The following LSAMP variants were observed in gnomAD, a reference collection of about 807,000 sequenced individuals.
LSAMP encodes limbic system associated membrane protein.
LSAMP carries 7 observed loss-of-function variants against 38.6 expected under a neutral mutation model. The observed-to-expected ratio is 0.18, with a 90% CI of 0.10 to 0.34. LSAMP has a LOEUF of 0.34. Among genes scored for constraint, LSAMP ranks in the 10% least tolerant of loss-of-function variants. The pLI, the probability that LSAMP is intolerant of heterozygous loss-of-function variation, is 1.00. For synonymous variants in LSAMP, 154 were observed against 166.8 expected (o/e 0.92, Z 0.59); for missense variants, 313 against 420.0 (o/e 0.75, Z 2.23).
chr3:116,296,981 C>T (rs955696776), intron 1 of LSAMP, among the ~76,000 whole-genome samples: 23 of 152,114 alleles, frequency 1.5e-4, no homozygotes, highest in African/African-American at 2.7e-4. Context: ...TCTGAATGTC[C>T]TCATAGGATT....
intron 1 of LSAMP, among the ~76,000 whole-genome samples, chr3:116,273,809 T>TC (rs1553719968): frequency 3.5e-4 from 31 of 87,484 alleles, no homozygotes; most frequent in African/African-American, 1.5e-3. Context: ...CTCTTTTTCT[T>TC]TCTTTCTCTC....
chr3:116,385,836 G>A (rs1344791482), intron 1 of LSAMP, among the ~76,000 whole-genome samples: 1 of 152,074 alleles, frequency 6.6e-6, no homozygotes, highest in Non-Finnish European at 1.5e-5. Context: ...ATTAGCCTTT[G>A]TGGTGTTAGT....
intron 1 of LSAMP, among the ~76,000 whole-genome samples, chr3:116,177,606 A>T (rs1710380320): frequency 6.6e-6 from 1 of 152,258 alleles, no homozygotes; most frequent in Non-Finnish European, 1.5e-5. Context: ...ATAATACAAT[A>T]AAAATAATTC....
At chr3:115,921,981 T>G (rs1040387367) in intron 3 of LSAMP, among the ~76,000 whole-genome samples, 1 of 152,146 alleles carries the variant, frequency 6.6e-6, no homozygotes, top group African/African-American at 2.4e-5. Flanking sequence ...TTTCAAAATT[T>G]TATCTGTTTC....
chr3:115,958,429 A>T (rs1309104234), intron 3 of LSAMP, among the ~76,000 whole-genome samples: 1 of 152,168 alleles, frequency 6.6e-6, no homozygotes, highest in Non-Finnish European at 1.5e-5. Context: ...TTGAATTGTA[A>T]ACGTTTCAAA....
At chr3:116,395,004 G>C (rs1351254879) in intron 1 of LSAMP, among the ~76,000 whole-genome samples, 1 of 152,112 alleles carries the variant, frequency 6.6e-6, no homozygotes, top group African/African-American at 2.4e-5. Context: ...GGCCATCTCT[G>C]TGTTTTGCTC....
intron 2 of LSAMP, among the ~76,000 whole-genome samples, chr3:116,026,434 A>T (rs1281400236): frequency 6.6e-6 from 1 of 152,162 alleles, no homozygotes; most frequent in Non-Finnish European, 1.5e-5. Context: ...GGAAATGGAG[A>T]CAAAGTCAGG....
chr3:115,990,097 G>T (rs1265169834), intron 3 of LSAMP, among the ~76,000 whole-genome samples: 2 of 152,078 alleles, frequency 1.3e-5, no homozygotes, highest in African/African-American at 4.8e-5. Context: ...GGAGAATCTA[G>T]TTCTTAACCA....
intron 3 of LSAMP, among the ~76,000 whole-genome samples, chr3:115,880,451 T>C (rs749286917): frequency 3.9e-5 from 6 of 152,290 alleles, no homozygotes; most frequent in African/African-American, 7.2e-5. Flanking sequence ...TTGTTTACAA[T>C]CAAAGGGCAC....
chr3:116,268,695 T>TTTTCTTTC (rs10681419), intron 1 of LSAMP, among the ~76,000 whole-genome samples: 1 of 151,558 alleles, frequency 6.6e-6, no homozygotes, highest in South Asian at 2.1e-4. Flanking sequence ...TTTTTTCTAT[T>TTTTCTTTC]TTTCTTTCTT....
At chr3:116,067,801 C>A (rs950341903) in intron 2 of LSAMP, among the ~76,000 whole-genome samples, 1 of 151,830 alleles carries the variant, frequency 6.6e-6, no homozygotes, top group Non-Finnish European at 1.5e-5. Context: ...AAGTCTGCAT[C>A]CCCCAAAACA....
intron 1 of LSAMP, among the ~76,000 whole-genome samples, chr3:116,323,432 G>A (rs1215771148): frequency 6.6e-6 from 1 of 151,882 alleles, no homozygotes; most frequent in Non-Finnish European, 1.5e-5. Context: ...ACCATTTTGT[G>A]GTAAAACATC....
intron 1 of LSAMP, among the ~76,000 whole-genome samples, chr3:116,207,629 G>T (rs2046089161): frequency 6.6e-6 from 1 of 151,808 alleles, no homozygotes; most frequent in South Asian, 2.1e-4. Context: ...GCATTTTCTT[G>T]TCTGTAAAGG....
At chr3:116,350,576 C>T (rs1453837895) in intron 1 of LSAMP, among the ~76,000 whole-genome samples, 1 of 151,562 alleles carries the variant, frequency 6.6e-6, no homozygotes, top group Non-Finnish European at 1.5e-5. Flanking sequence ...GTAGCCATCT[C>T]GGTTATCAGA....
intron 1 of LSAMP, among the ~76,000 whole-genome samples, chr3:116,228,689 T>G (rs1396604295): frequency 6.6e-6 from 1 of 152,074 alleles, no homozygotes; most frequent in Non-Finnish European, 1.5e-5. Flanking sequence ...TAAAAACAAT[T>G]TAGCAAAATA....
chr3:115,891,064 T>A (rs2107458055), intron 3 of LSAMP, among the ~76,000 whole-genome samples: 1 of 152,072 alleles, frequency 6.6e-6, no homozygotes, highest in Admixed American at 6.6e-5. Flanking sequence ...TTCTGTAAAC[T>A]TTGCTCACTC....
chr3:116,102,383 A>G (rs1708367482), intron 1 of LSAMP, among the ~76,000 whole-genome samples: 2 of 152,182 alleles, frequency 1.3e-5, no homozygotes, highest in South Asian at 4.1e-4. Context: ...AAAACTTAGA[A>G]TGAGATTAAT....
At chr3:116,407,281 A>AGAGAAGCCT (rs1417745145) in intron 1 of LSAMP, among the ~76,000 whole-genome samples, 3 of 152,126 alleles carry the variant, frequency 2.0e-5, no homozygotes, top group African/African-American at 7.2e-5. Context: ...GCAGATACAG[A>AGAGAAGCCT]GAGAAGCCTA....
chr3:115,962,183 C>T (rs139675629), intron 3 of LSAMP, among the ~76,000 whole-genome samples: 14 of 152,302 alleles, frequency 9.2e-5, no homozygotes, highest in East Asian at 7.7e-4. Flanking sequence ...CATTCAGTCT[C>T]GGCTAGAAAT....
Sources: allele counts gnomAD v4.1 joint callset (sites outside exome capture counted in the v4.1 genomes callset), GRCh38; gene constraint gnomAD v4.1.1; transcripts MANE v1.5; gene names NCBI Gene and HGNC (gene_info 2026-07-23, HGNC 2026-07-21).